The following EFHC1 variants were observed in gnomAD, a reference collection of about 807,000 sequenced individuals.
The protein encoded by EFHC1 is EF-hand domain containing 1.
In EFHC1, 53 loss-of-function variants were observed where a neutral mutation model predicts 69.9. That is an observed-to-expected ratio of 0.76 (90% confidence interval 0.61 to 0.95). The LOEUF (loss-of-function observed/expected upper bound fraction) is 0.95, where lower values mean the gene tolerates loss of function less well. EFHC1 is among the 40% of genes least tolerant of loss of function. EFHC1 has a pLI of 0.00. For missense variants in EFHC1, 739 were observed against 798.7 expected (o/e 0.93, Z 0.90); for synonymous variants, 256 against 278.4 (o/e 0.92, Z 0.80).
At chr6:52,444,329 A>G (rs1179995342) in intron 3 of EFHC1, among the ~76,000 whole-genome samples, 1 of 152,160 alleles carries the variant, frequency 6.6e-6, no homozygotes, top group Non-Finnish European at 1.5e-5. Context: ...CACTCTGTTG[A>G]ATAGGAGTGG....
chr6:52,473,314 C>CA (rs1248578183), intron 7 of EFHC1, among the ~76,000 whole-genome samples: 1 of 151,994 alleles, frequency 6.6e-6, no homozygotes, highest in East Asian at 1.9e-4. Context: ...ATTCATGTAA[C>CA]AAAAAAGAAA....
chr6:52,493,961 C>T lies in EFHC1; in HGVS notation c.*1620C>T, dbSNP rs1472435998. ...CCCTAACGAGCTCAGCCACTTGTAACCAGCTTATTGAAAGGGCTGTGAATG... is the reference window on the plus strand; with the variant it reads ...CCCTAACGAGCTCAGCCACTTGTAATCAGCTTATTGAAAGGGCTGTGAATG... On this transcript the variant is annotated 3_prime_UTR_variant, in exon 11 of 11. Transcript: ENST00000371068. 4 of 454,118 alleles carry T rather than the reference C, an allele frequency of 8.8e-6. No homozygotes were observed. The highest frequency in any genetic ancestry group is 1.8e-5 in the Non-Finnish European group (4 of 226,800). 28.1% of individuals were successfully genotyped at this position (454,118 alleles called of 1,614,324 possible). A position where few individuals can be genotyped will look rare whatever the true frequency, so the allele number is the denominator to read the frequency against.
chr6:52,430,942 C>T (rs1052716447), intron 2 of EFHC1, among the ~76,000 whole-genome samples: 19 of 152,012 alleles, frequency 1.2e-4, no homozygotes, highest in African/African-American at 4.6e-4. Context: ...TTTTATCTTT[C>T]AGGAATTTAT....
At chr6:52,467,403 A>C (rs1234021662) in intron 6 of EFHC1, among the ~76,000 whole-genome samples, 1 of 151,690 alleles carries the variant, frequency 6.6e-6, no homozygotes, top group African/African-American at 2.4e-5. Flanking sequence ...CTGGTCTGGA[A>C]CTCCCTACCT....
chr6:52,422,032 A>G (rs1764201983), intron 1 of EFHC1, among the ~76,000 whole-genome samples: 2 of 152,260 alleles, frequency 1.3e-5, no homozygotes, highest in Admixed American at 1.3e-4. Context: ...TTTGAAAAGC[A>G]TCGTCAGTAT....
At chr6:52,482,392 G>A (rs190550943) in intron 9 of EFHC1, 22 of 155,692 alleles carry the variant, frequency 1.4e-4, no homozygotes, top group Non-Finnish European at 2.6e-4. Flanking sequence ...GGTTGTAAAT[G>A]TATAAGGACA....
At chr6:52,457,919 T>G (rs1765079988) in intron 5 of EFHC1, among the ~76,000 whole-genome samples, 1 of 152,182 alleles carries the variant, frequency 6.6e-6, no homozygotes, top group Non-Finnish European at 1.5e-5. Flanking sequence ...AACATCCATA[T>G]AGATGAAGGA....
At chr6:52,489,665 G>A (rs1182738878) in intron 9 of EFHC1, among the ~76,000 whole-genome samples, 1 of 152,172 alleles carries the variant, frequency 6.6e-6, no homozygotes, top group Non-Finnish European at 1.5e-5. Flanking sequence ...AAAATTCAGT[G>A]TGAATTGGAG....
At chr6:52,455,828 T>G (rs1765033221) in intron 5 of EFHC1, among the ~76,000 whole-genome samples, 1 of 152,148 alleles carries the variant, frequency 6.6e-6, no homozygotes, top group Non-Finnish European at 1.5e-5. Flanking sequence ...GAGTTGGAGG[T>G]TTCCATCATT....
intron 5 of EFHC1, among the ~76,000 whole-genome samples, chr6:52,457,074 C>CA (rs1407581568): frequency 5.9e-5 from 9 of 152,218 alleles, no homozygotes; most frequent in Non-Finnish European, 1.2e-4. Flanking sequence ...TTCAATTAAA[C>CA]AAGAGGTAAA....
At position 52,490,341 on chromosome 6, in the gene EFHC1, G is replaced by A. The variant is rs1411515149; in HGVS notation, c.1842G>A (p.Leu614=). Residue 614 remains leucine (L), a synonymous_variant, in exon 10 of 11, where the codon TTG becomes TTA. Coordinates refer to ENST00000371068, the MANE Select transcript of EFHC1 (RefSeq NM_018100.4). Reference sequence around the variant, plus strand: ...TTAACGTCCCAGTGGATGACTCCTTGGTTAAGGAGGTCAGTATGAATTACT... The same window carrying A: ...TTAACGTCCCAGTGGATGACTCCTTAGTTAAGGAGGTCAGTATGAATTACT... ...ESLNVPVDDS[L]VKELIRMCSH... is the part of the protein sequence containing the mutation. 6.2e-7 allele frequency: 1 copy of A among 1,613,360 alleles called. No homozygotes were observed.
intron 7 of EFHC1, among the ~76,000 whole-genome samples, chr6:52,472,644 GAGATATGTAATATCTTTTACATA>G (rs1765462251): frequency 7.5e-6 from 1 of 133,704 alleles, no homozygotes; most frequent in African/African-American, 2.9e-5. Context: ...TATCATACAA[GAGATATGTAATATCTTTTACATA>G]CAAGAGATAT....
In EFHC1 at chr6:52,424,031, A is replaced by G; in HGVS notation, c.149A>G (p.Asp50Gly). ...CGTCCAACAGTTGGGATAGGCGGAGACCGGCTCCAGTTCAACCAGCTGTCC... is the reference window on the plus strand; with the variant it reads ...CGTCCAACAGTTGGGATAGGCGGAGGCCGGCTCCAGTTCAACCAGCTGTCC... The part of the protein sequence containing the change: ...VRRPTVGIGG[D>G]RLQFNQLSQA... The change falls in exon 2 of 11, where the codon GAC (aspartate) becomes GGC (glycine). Residue 50 changes from aspartate (D) to glycine (G), a missense_variant. By Grantham distance (94) the Asp-to-Gly change is moderately conservative. Coordinates refer to ENST00000371068, the MANE Select transcript of EFHC1 (RefSeq NM_018100.4). 1 of 1,614,164 alleles carries G rather than the reference A, an allele frequency of 6.2e-7. No homozygotes were observed. Among genetic ancestry groups the G allele is most frequent in the South Asian group, 1.1e-5 (1 of 91,080 alleles).
intron 1 of EFHC1, among the ~76,000 whole-genome samples, chr6:52,421,986 A>G (rs1487783426): frequency 6.6e-6 from 1 of 152,262 alleles, no homozygotes; most frequent in African/African-American, 2.4e-5. Flanking sequence ...TTTTAAATAC[A>G]CTGGCCAAGT....
chr6:52,429,369 A>G (rs554009630), intron 2 of EFHC1, among the ~76,000 whole-genome samples: 1 of 152,276 alleles, frequency 6.6e-6, no homozygotes, highest in African/African-American at 2.4e-5. Flanking sequence ...TGATTTTTAT[A>G]TAAGGTGAGA....
At position 52,438,596 on chromosome 6, in the gene EFHC1, A is replaced by G. The variant is rs560584332; in HGVS notation, c.573+5A>G. ...GACTGTGACCAATTCACACAGGTATAGCATATATTTTTGAAAGTTGTGGGG... is the reference window on the plus strand; with the variant it reads ...GACTGTGACCAATTCACACAGGTATGGCATATATTTTTGAAAGTTGTGGGG... On this transcript the variant is annotated splice_donor_5th_base_variant and intron_variant, in intron 3 of 10. Coordinates refer to ENST00000371068, the MANE Select transcript of EFHC1 (RefSeq NM_018100.4). 55 of 1,613,808 alleles carry G rather than the reference A, an allele frequency of 3.4e-5. No homozygotes were observed. The highest frequency in any genetic ancestry group is 4.7e-5 in the Non-Finnish European group (55 of 1,179,864).
chr6:52,455,792 A>T (rs1273436615), intron 5 of EFHC1, among the ~76,000 whole-genome samples: 1 of 152,234 alleles, frequency 6.6e-6, no homozygotes, highest in African/African-American at 2.4e-5. Flanking sequence ...TTTTTTATGA[A>T]AAATGCAGTA....
rs114527255 is a variant in EFHC1, at chr6:52,452,238, C to T, written c.574-450C>T. Among the ~76,000 whole-genome samples the T allele has an allele frequency of 7.9e-3, 1,210 of 152,304 alleles. 16 individuals carry two copies. Among genetic ancestry groups the T allele is most frequent in the African/African-American group, 0.026 (1,084 of 41,566 alleles). On this transcript the variant is annotated intron_variant, in intron 3 of 10. Transcript: ENST00000371068. ...TTGGAGACTTAATACAGCTTACATG[C>T]GCTCAAGCAGCAAACTAATGTTTAA... is the stretch of plus-strand genomic sequence containing the variant.
At chr6:52,464,796 ACTCC>A (rs746292946) in intron 5 of EFHC1, 95 bp from the exon 6 acceptor site, 3 of 984,916 alleles carry the variant, frequency 3.0e-6, no homozygotes, top group Non-Finnish European at 4.8e-6. Context: ...AAAAGACTGC[ACTCC>A]CTCAGGTTCT....
Sources: allele counts gnomAD v4.1 joint callset (sites outside exome capture counted in the v4.1 genomes callset), GRCh38; gene constraint gnomAD v4.1.1; transcripts MANE v1.5; gene names NCBI Gene and HGNC (gene_info 2026-07-23, HGNC 2026-07-21).